STK32A: variants seen among roughly 807,000 people sequenced by gnomAD.
STK32A encodes serine/threonine kinase 32A, also known as serine/threonine-protein kinase 32A.
Under a neutral mutation model 53.2 loss-of-function variants are expected in STK32A, and 41 were observed. That is an observed-to-expected ratio of 0.77 (90% CI 0.60 to 1.00). STK32A has a LOEUF of 1.00. STK32A is among the 50% of genes least tolerant of loss of function. The pLI, the probability that STK32A is intolerant of heterozygous loss-of-function variation, is 0.00. For missense variants in STK32A, 458 were observed against 485.8 expected (o/e 0.94, Z 0.54); for synonymous variants, 166 against 162.8 (o/e 1.02, Z -0.15).
intron 2 of STK32A, among the ~76,000 whole-genome samples, chr5:147,272,430 T>C (rs1201882939): frequency 6.6e-6 from 1 of 152,240 alleles, no homozygotes; most frequent in African/African-American, 2.4e-5. Context: ...AAATATTTTA[T>C]GGTACATTTA....
chr5:147,336,581 G>T (rs1432893482), intron 5 of STK32A, among the ~76,000 whole-genome samples: 1 of 152,174 alleles, frequency 6.6e-6, no homozygotes, highest in Non-Finnish European at 1.5e-5. Context: ...GCTCTAGAGA[G>T]TTTAGATCAT....
At chr5:147,252,891 T>A (rs1421385703) in intron 2 of STK32A, among the ~76,000 whole-genome samples, 5 of 152,230 alleles carry the variant, frequency 3.3e-5, no homozygotes, top group Non-Finnish European at 7.4e-5. Flanking sequence ...CACTTTTGTA[T>A]CCTTAGCACC....
At chr5:147,369,995 T>C (rs1325846396) in intron 8 of STK32A, among the ~76,000 whole-genome samples, 1 of 152,196 alleles carries the variant, frequency 6.6e-6, no homozygotes, top group Non-Finnish European at 1.5e-5. Flanking sequence ...CAGTTTTCTT[T>C]TGTTTAATTT....
At chr5:147,399,007 T>C in the STK32A span, 1 of 1,561,136 alleles carries the variant, frequency 6.4e-7, no homozygotes, top group South Asian at 1.2e-5. Flanking sequence ...GCACACCACA[T>C]AAACACATTT....
At chr5:147,339,707 T>C (rs979731670) in intron 5 of STK32A, among the ~76,000 whole-genome samples, 1 of 152,268 alleles carries the variant, frequency 6.6e-6, no homozygotes, top group African/African-American at 2.4e-5. Context: ...CAGCGTGACC[T>C]GGATGTGAGA....
intron 4 of STK32A, among the ~76,000 whole-genome samples, chr5:147,320,765 A>C (rs141896714): frequency 1.1e-4 from 16 of 152,276 alleles, no homozygotes; most frequent in African/African-American, 3.4e-4. Flanking sequence ...TCATGAGTGC[A>C]GGCACAGGTG....
Position 147,384,438 on chromosome 5 carries a change from G to C in STK32A, c.*455G>C. ...TTTCAGACCTCGAAAGTTTCATAAA[G>C]TGGTCAGAATGCCCCAGGCTACTTG... On this transcript the variant is annotated 3_prime_UTR_variant, in exon 13 of 13. Coordinates refer to ENST00000397936, the MANE Select transcript of STK32A (RefSeq NM_001112724.2). 3 of 1,534,134 alleles carry C rather than the reference G, an allele frequency of 2.0e-6. No individual in the cohort carries two copies. Among genetic ancestry groups the C allele is most frequent in the African/African-American group, 2.7e-5 (2 of 73,106 alleles).
At chr5:147,400,600 C>A in the STK32A span, 1 of 1,508,716 alleles carries the variant, frequency 6.6e-7, no homozygotes, top group Admixed American at 1.8e-5. Context: ...TCTGCACTCG[C>A]AGTGTCACCA....
At chr5:147,293,438 T>G (rs73797611) in intron 4 of STK32A, among the ~76,000 whole-genome samples, 48,656 of 143,524 alleles carry the variant, frequency 0.34, 8,468 homozygotes, top group South Asian at 0.6. Flanking sequence ...TGCCTCTCTG[T>G]AACTTCTAGG....
intron 4 of STK32A, among the ~76,000 whole-genome samples, chr5:147,312,367 G>A (rs1372386800): frequency 6.6e-6 from 1 of 152,102 alleles, no homozygotes; most frequent in Admixed American, 6.5e-5. Context: ...GCCTTCCAAA[G>A]TGCTGGGATT....
intron 7 of STK32A, among the ~76,000 whole-genome samples, chr5:147,354,114 T>C (rs1178444630): frequency 6.6e-6 from 1 of 152,158 alleles, no homozygotes. Flanking sequence ...TTCTATGATA[T>C]TTGAACAACT....
At chr5:147,310,929 G>A (rs1265927183) in intron 4 of STK32A, among the ~76,000 whole-genome samples, 5 of 152,204 alleles carry the variant, frequency 3.3e-5, no homozygotes, top group African/African-American at 4.8e-5. Context: ...TATGTAAGCC[G>A]ACAGATTATG....
chr5:147,350,772 C>T (rs923358828), intron 6 of STK32A, among the ~76,000 whole-genome samples: 3 of 152,120 alleles, frequency 2.0e-5, no homozygotes, highest in African/African-American at 4.8e-5. Context: ...GCTAAAGTAA[C>T]TTAAAATGTC....
At chr5:147,344,887 AGT>A (rs1026980974) in intron 6 of STK32A, among the ~76,000 whole-genome samples, 6 of 152,310 alleles carry the variant, frequency 3.9e-5, no homozygotes, top group Admixed American at 2.6e-4. Context: ...TTCAGAGAAC[AGT>A]GTTTTCATCC....
At chr5:147,342,922 G>A (rs1581117863) in intron 5 of STK32A, 84 bp from the exon 6 acceptor site, 1 of 1,240,344 alleles carries the variant, frequency 8.1e-7, no homozygotes. Flanking sequence ...ACTCCAGTTA[G>A]CTTTCTTAAG....
At chr5:147,325,075 A>C (rs557002000) in intron 5 of STK32A, among the ~76,000 whole-genome samples, 9 of 152,194 alleles carry the variant, frequency 5.9e-5, no homozygotes, top group Non-Finnish European at 1.2e-4. Context: ...TCTGACCTCA[A>C]AGTCAGAATT....
intron 1 of STK32A, among the ~76,000 whole-genome samples, chr5:147,238,547 T>C (rs1182789160): frequency 6.6e-6 from 1 of 152,228 alleles, no homozygotes; most frequent in Non-Finnish European, 1.5e-5. Flanking sequence ...CTTTTCTTGT[T>C]CACACATATC....
intron 11 of STK32A, among the ~76,000 whole-genome samples, chr5:147,379,619 A>G (rs1378125133): frequency 6.6e-6 from 1 of 152,032 alleles, no homozygotes; most frequent in Non-Finnish European, 1.5e-5. Flanking sequence ...CCCCCAGAAT[A>G]TCCTCCACTT....
rs938467818 is a variant in STK32A at position 147,383,487 on chromosome 5, T to C, written c.1079T>C (p.Ile360Thr). The change falls in exon 12 of 13, where the codon ATA becomes ACA. Residue 360 changes from isoleucine (I) to threonine (T), a missense_variant. Transcript: ENST00000397936. ...EHLDSVQKEF[I>T]IFNREKVNRD... Reference sequence around the variant, plus strand: ...CTTGACTCTGTCCAGAAGGAGTTCATAATTTTCAACAGAGAAAAGTAAGTA... The same window carrying C: ...CTTGACTCTGTCCAGAAGGAGTTCACAATTTTCAACAGAGAAAAGTAAGTA... 1.9e-6 allele frequency: 3 copies of C among 1,594,368 alleles called. No homozygotes were observed. Among genetic ancestry groups the C allele is most frequent in the Non-Finnish European group, 2.6e-6 (3 of 1,170,016 alleles).
Sources: gnomAD v4.1 joint callset for allele counts (sites outside exome capture counted in the v4.1 genomes callset) on GRCh38, gnomAD v4.1.1 for gene constraint, MANE v1.5 for transcripts, NCBI Gene and HGNC (gene_info 2026-07-23, HGNC 2026-07-21) for gene names.